ERCC6L2: variants seen among roughly 807,000 people sequenced by gnomAD.
ERCC6L2 encodes DNA excision repair protein ERCC-6-like 2.
Under a neutral mutation model 132.0 loss-of-function variants are expected in ERCC6L2, and 77 were observed. The ratio of observed to expected loss-of-function variants is 0.58; its 90% CI spans 0.49 to 0.71. The LOEUF is 0.71. Ranked by LOEUF, ERCC6L2 falls within the 30% of genes least tolerant of loss-of-function variation. The pLI, the probability that ERCC6L2 is intolerant of heterozygous loss-of-function variation, is 0.00. For missense variants in ERCC6L2, 1,542 were observed against 1,837.6 expected (o/e 0.84, Z 2.94); for synonymous variants, 583 against 632.4 (o/e 0.92, Z 1.17).
intron 4 of ERCC6L2, among the ~76,000 whole-genome samples, chr9:95,913,359 T>C (rs1474852933): frequency 1.3e-5 from 2 of 152,240 alleles, no homozygotes; most frequent in Non-Finnish European, 2.9e-5. Context: ...CGATTCTTTT[T>C]CTTTAATGAC....
chr9:95,993,209 C>G (rs1306751199), intron 17 of ERCC6L2, among the ~76,000 whole-genome samples: 1 of 152,134 alleles, frequency 6.6e-6, no homozygotes, highest in Non-Finnish European at 1.5e-5. Context: ...AGAATCTCCC[C>G]AAATGGAAAG....
intron 12 of ERCC6L2, among the ~76,000 whole-genome samples, chr9:95,946,867 G>C (rs1365315785): frequency 1.3e-5 from 2 of 152,100 alleles, no homozygotes; most frequent in African/African-American, 4.8e-5. Context: ...TATTGTATTT[G>C]TTTCAGGACA....
At chr9:95,953,335 G>A (rs1831430942) in intron 12 of ERCC6L2, among the ~76,000 whole-genome samples, 1 of 152,184 alleles carries the variant, frequency 6.6e-6, no homozygotes, top group East Asian at 1.9e-4. Context: ...CCAGCACTTT[G>A]GGAGGCCGAG....
At position 96,014,801 on chromosome 9, in the gene ERCC6L2, G is replaced by T. The variant is rs902686101; in HGVS notation, c.*1598G>T. Among the ~76,000 whole-genome samples, 1 of 152,082 alleles carries T rather than the reference G, an allele frequency of 6.6e-6. No individual in the cohort carries two copies. Among genetic ancestry groups the T allele is most frequent in the Non-Finnish European group, 1.5e-5 (1 of 68,030 alleles). The stretch of plus-strand genomic sequence containing the variant: ...AGATGGTATGTTTTGCCATTGAGGG[G>T]CCTTCTACACAATGAGTGCATGATA... On this transcript the variant is annotated 3_prime_UTR_variant, in exon 19 of 19. Coordinates refer to ENST00000653738, the MANE Select transcript of ERCC6L2 (RefSeq NM_020207.7).
At chr9:95,949,498 G>A (rs950117932) in intron 12 of ERCC6L2, among the ~76,000 whole-genome samples, 7 of 152,098 alleles carry the variant, frequency 4.6e-5, no homozygotes, top group African/African-American at 1.7e-4. Flanking sequence ...ATTATCAAGT[G>A]GATTTGTCAG....
intron 13 of ERCC6L2, 37 bp downstream of exon 13, chr9:95,956,050 C>A (rs1328391200): frequency 3.2e-6 from 4 of 1,267,200 alleles, no homozygotes; most frequent in Non-Finnish European, 4.5e-6. Context: ...CAGAGGTCAA[C>A]ATTTATCTGT....
intron 20 of ERCC6L2, among the ~76,000 whole-genome samples, chr9:96,040,696 C>A (rs1834568510): frequency 6.6e-6 from 1 of 152,254 alleles, no homozygotes; most frequent in African/African-American, 2.4e-5. Context: ...GGCCACACCT[C>A]ATGGGGAGAT....
intron 1 of ERCC6L2, among the ~76,000 whole-genome samples, chr9:95,880,051 A>G (rs748863193): frequency 2.0e-5 from 3 of 152,206 alleles, no homozygotes; most frequent in Non-Finnish European, 4.4e-5. Context: ...GGAAAATAAA[A>G]TAGCTGTATG....
At chr9:95,924,359 ATG>A (rs1404989368) in intron 9 of ERCC6L2, among the ~76,000 whole-genome samples, 4 of 152,184 alleles carry the variant, frequency 2.6e-5, no homozygotes, top group Admixed American at 2.6e-4. Flanking sequence ...TAAAAAATAA[ATG>A]TTTATATTAA....
In ERCC6L2 at chr9:95,897,909, A is replaced by G; in HGVS notation, c.532A>G (p.Asn178Asp). 1 of 1,612,472 alleles carries G rather than the reference A, an allele frequency of 6.2e-7. No individual in the cohort carries two copies. The highest frequency in any genetic ancestry group is 8.5e-7 in the Non-Finnish European group (1 of 1,179,320). Residue 178 changes from asparagine (N) to aspartate (D), a missense_variant, in exon 3 of 19, where the codon AAC becomes GAC. Coordinates refer to ENST00000653738, the MANE Select transcript of ERCC6L2 (RefSeq NM_020207.7). ...KKGTREDIENNMPEFLLRSMK... is the reference protein window; with the variant it reads ...KKGTREDIENDMPEFLLRSMK... The stretch of plus-strand genomic sequence containing the variant: ...GGGAACTCGTGAGGATATTGAAAAT[A>G]ACATGCCAGAGTTTTTACTAAGAAG...
chr9:96,040,706 T>C (rs1351273208), intron 20 of ERCC6L2, among the ~76,000 whole-genome samples: 1 of 152,210 alleles, frequency 6.6e-6, no homozygotes, highest in Middle Eastern at 3.2e-3. Flanking sequence ...CATGGGGAGA[T>C]GACAGGAGCA....
At chr9:96,023,686 T>C (rs1834325505) in intron 19 of ERCC6L2, among the ~76,000 whole-genome samples, 1 of 152,214 alleles carries the variant, frequency 6.6e-6, no homozygotes, top group African/African-American at 2.4e-5. Context: ...TCTTCCTCAG[T>C]TGCTTCATCA....
At chr9:96,037,019 G>A (rs1164505264) in intron 19 of ERCC6L2, among the ~76,000 whole-genome samples, 1 of 151,942 alleles carries the variant, frequency 6.6e-6, no homozygotes, top group Non-Finnish European at 1.5e-5. Context: ...GCCCGCCTCG[G>A]CCTCCCAAAG....
intron 19 of ERCC6L2, among the ~76,000 whole-genome samples, chr9:96,035,757 A>C (rs1262003294): frequency 6.6e-6 from 1 of 152,160 alleles, no homozygotes; most frequent in African/African-American, 2.4e-5. Context: ...TCCTGGATGT[A>C]GGAACACTGG....
chr9:96,001,905 A>G (rs376988241), intron 17 of ERCC6L2, among the ~76,000 whole-genome samples: 14 of 152,210 alleles, frequency 9.2e-5, no homozygotes, highest in South Asian at 2.1e-4. Flanking sequence ...CGAGCGTAGC[A>G]CCAGTGGGCC....
chr9:95,919,192 T>C (rs1022727577), intron 6 of ERCC6L2, among the ~76,000 whole-genome samples: 3 of 151,972 alleles, frequency 2.0e-5, no homozygotes, highest in African/African-American at 7.2e-5. Context: ...GTTTACAGAA[T>C]AAACATGGCA....
intron 1 of ERCC6L2, 28 bp downstream of exon 1, chr9:95,876,112 C>T (rs1367219790): frequency 1.3e-6 from 2 of 1,553,052 alleles, no homozygotes; most frequent in Non-Finnish European, 1.7e-6. Context: ...GCCCCTTACG[C>T]AGAGGCCTGT....
chr9:96,025,012 C>A (rs947440922), intron 19 of ERCC6L2, among the ~76,000 whole-genome samples: 13 of 152,242 alleles, frequency 8.5e-5, no homozygotes, highest in Admixed American at 2.6e-4. Flanking sequence ...AACTCTGATG[C>A]CTTCTTTCCA....
intron 12 of ERCC6L2, among the ~76,000 whole-genome samples, chr9:95,943,500 C>G (rs1295165351): frequency 6.6e-6 from 1 of 152,038 alleles, no homozygotes; most frequent in Admixed American, 6.6e-5. Context: ...GAATGGGACT[C>G]AACATTCTAC....
Sources: allele counts gnomAD v4.1 joint callset (sites outside exome capture counted in the v4.1 genomes callset), GRCh38; gene constraint gnomAD v4.1.1; transcripts MANE v1.5; gene names NCBI Gene and HGNC (gene_info 2026-07-23, HGNC 2026-07-21).